The following XPNPEP3 variants were observed in gnomAD, a reference collection of about 807,000 sequenced individuals.
XPNPEP3 encodes the protein X-prolyl aminopeptidase 3, also known as xaa-Pro aminopeptidase 3.
XPNPEP3 carries 41 observed loss-of-function variants against 60.0 expected under a neutral mutation model. The ratio of observed to expected loss-of-function variants is 0.68; its 90% CI spans 0.53 to 0.89. XPNPEP3 has a LOEUF of 0.89. XPNPEP3 is among the 40% of genes least tolerant of loss of function. The pLI, the probability that XPNPEP3 is intolerant of heterozygous loss-of-function variation, is 0.00. For synonymous variants in XPNPEP3, 212 were observed against 223.2 expected, an observed-to-expected ratio of 0.95 and a Z score of 0.45; for missense variants, 598 against 638.9, an observed-to-expected ratio of 0.94 and a Z score of 0.69.
intron 4 of XPNPEP3, among the ~76,000 whole-genome samples, chr22:40,895,429 G>A (rs1019490719): frequency 1.3e-5 from 2 of 151,228 alleles, no homozygotes; most frequent in African/African-American, 2.4e-5. Context: ...TCTGCTTCCC[G>A]GGTTCAAGTG....
intron 1 of XPNPEP3, chr22:40,862,037 A>G (rs2071888051): frequency 1.3e-6 from 2 of 1,539,868 alleles, no homozygotes; most frequent in Non-Finnish European, 1.7e-6. Flanking sequence ...GGTATTGAGA[A>G]CCGTGGTTTC....
At chr22:40,881,726 G>T in intron 2 of XPNPEP3, 44 bp from the exon 3 acceptor site, 1 of 1,606,856 alleles carries the variant, frequency 6.2e-7, no homozygotes, top group Non-Finnish European at 8.5e-7. Flanking sequence ...AAGTACTTTG[G>T]CACTGCAGAA....
chr22:40,857,166 CGTGA>C lies in XPNPEP3; in HGVS notation c.-13_-10del, dbSNP rs2057905286. On this transcript the variant is annotated 5_prime_UTR_variant, in exon 1 of 10. Coordinates refer to ENST00000357137, the MANE Select transcript of XPNPEP3 (RefSeq NM_022098.4). ...CGTTACCCTCTTTCTCTTCCCGACG[CGTGA>C]GTTAGGCCGTAATGCCTTGGCTGCT... 6.2e-7 allele frequency: 1 copy of C among 1,614,094 alleles called. No individual in the cohort carries two copies. Among genetic ancestry groups the C allele is most frequent in the Middle Eastern group, 1.6e-4 (1 of 6,062 alleles).
intron 5 of XPNPEP3, among the ~76,000 whole-genome samples, 186 bp from the exon 6 acceptor site, chr22:40,908,936 C>T (rs1054323334): frequency 6.6e-5 from 10 of 152,128 alleles, no homozygotes; most frequent in Non-Finnish European, 1.2e-4. Flanking sequence ...GATTATAGTA[C>T]ACGGGGTGAG....
At chr22:40,872,204 TGCTAGGTTCTGTGATTTTACG>T (rs1466406368) in intron 2 of XPNPEP3, among the ~76,000 whole-genome samples, 1 of 152,218 alleles carries the variant, frequency 6.6e-6, no homozygotes, top group Non-Finnish European at 1.5e-5. Context: ...GTTCTGGCTG[TGCTAGGTTCTGTGATTTTACG>T]GCTAGGTTCT....
intron 1 of XPNPEP3, chr22:40,860,694 C>A: frequency 8.6e-7 from 1 of 1,165,540 alleles, no homozygotes; most frequent in South Asian, 1.5e-5. Context: ...ACTTTGTCAC[C>A]CAAGCTGGAG....
rs905073936 is a variant in XPNPEP3, at chr22:40,909,105, G to C, written c.856-17G>C. 3 of 1,612,428 alleles carry C rather than the reference G, an allele frequency of 1.9e-6. No homozygotes were observed. Among genetic ancestry groups the C allele is most frequent in the African/African-American group, 1.3e-5 (1 of 75,044 alleles). On this transcript the variant is annotated splice_polypyrimidine_tract_variant and intron_variant, in intron 5 of 9. Coordinates refer to ENST00000357137, the MANE Select transcript of XPNPEP3 (RefSeq NM_022098.4). ...CTACAGAAACCCTTTGTCATACCTT[G>C]CTGTTGTTTTTCACAGTTTGAATTT...
chr22:40,915,808 C>A (rs2058194125), intron 7 of XPNPEP3, among the ~76,000 whole-genome samples: 1 of 152,122 alleles, frequency 6.6e-6, no homozygotes, highest in African/African-American at 2.4e-5. Context: ...GATTACTGAA[C>A]TATGTGTTCT....
chr22:40,898,779 A>T (rs567809719), intron 4 of XPNPEP3, among the ~76,000 whole-genome samples: 7 of 152,294 alleles, frequency 4.6e-5, no homozygotes, highest in African/African-American at 1.7e-4. Context: ...GATGCCTTTT[A>T]TCACAGTATC....
intron 2 of XPNPEP3, among the ~76,000 whole-genome samples, chr22:40,881,196 C>G (rs1414270029): frequency 1.3e-5 from 2 of 151,994 alleles, no homozygotes; most frequent in East Asian, 1.9e-4. Context: ...CAGGCATGCA[C>G]CACCACACAT....
intron 4 of XPNPEP3, among the ~76,000 whole-genome samples, chr22:40,897,996 G>A (rs1352899001): frequency 2.0e-5 from 3 of 151,666 alleles, no homozygotes; most frequent in Admixed American, 6.6e-5. Flanking sequence ...CTCTTAATCC[G>A]GTATATGGTT....
chr22:40,899,770 G>A (rs1248683361), intron 4 of XPNPEP3, among the ~76,000 whole-genome samples: 1 of 140,430 alleles, frequency 7.1e-6, no homozygotes, highest in Non-Finnish European at 1.5e-5. Context: ...AGTGAGCGGA[G>A]ATCACGCTAC....
At chr22:40,876,435 A>G (rs1187320214) in intron 2 of XPNPEP3, among the ~76,000 whole-genome samples, 1 of 152,236 alleles carries the variant, frequency 6.6e-6, no homozygotes, top group Non-Finnish European at 1.5e-5. Context: ...TATTACTTAA[A>G]TCCACTTAGG....
intron 4 of XPNPEP3, among the ~76,000 whole-genome samples, chr22:40,888,275 G>T (rs188438086): frequency 6.6e-6 from 1 of 151,812 alleles, no homozygotes; most frequent in Middle Eastern, 3.2e-3. Context: ...ATAGAGTCTC[G>T]CTCTGTTGCC....
intron 1 of XPNPEP3, chr22:40,861,688 C>T (rs2145766787): frequency 6.2e-7 from 1 of 1,614,112 alleles, no homozygotes; most frequent in Non-Finnish European, 8.5e-7. Context: ...GGATCCCTTT[C>T]ATGAAAAATT....
chr22:40,862,373 C>T (rs1208255592), intron 1 of XPNPEP3: 2 of 1,000,866 alleles, frequency 2.0e-6, no homozygotes, highest in African/African-American at 3.5e-5. Flanking sequence ...CACAGCATAT[C>T]CCTTGCATAA....
chr22:40,879,304 A>T lies in XPNPEP3; in HGVS notation c.182-2466A>T, dbSNP rs970004508. 3.9e-5 allele frequency among the ~76,000 whole-genome samples: 6 copies of T among 152,364 alleles called. No homozygotes were observed. In the South Asian group the frequency reaches 6.2e-4, roughly 16 times the overall value. ...TCTTGCCAACTTCATCAACAAAAACATAAATTTGTTTCTATTGTAGATGTC... is the reference window on the plus strand; with the variant it reads ...TCTTGCCAACTTCATCAACAAAAACTTAAATTTGTTTCTATTGTAGATGTC... On this transcript the variant is annotated intron_variant, in intron 2 of 9. Transcript: ENST00000357137.
At chr22:40,885,253 T>C (rs995810320) in intron 3 of XPNPEP3, among the ~76,000 whole-genome samples, 1 of 152,226 alleles carries the variant, frequency 6.6e-6, no homozygotes, top group Non-Finnish European at 1.5e-5. Flanking sequence ...ATATAAAATA[T>C]TCAGACCTTC....
rs2057956968 is a variant in XPNPEP3, at chr22:40,862,613, G to A, written c.64+5368G>A. 3.0e-6 allele frequency: 3 copies of A among 985,482 alleles called. No individual in the cohort carries two copies. The South Asian group carries it at 1.4e-4, about 46-fold the overall frequency. The allele number at this position is 985,482 out of a possible 1,614,324, so 61.0% of individuals were successfully genotyped here. On this transcript the variant is annotated intron_variant, in intron 1 of 9. Coordinates refer to ENST00000357137, the MANE Select transcript of XPNPEP3 (RefSeq NM_022098.4). Reference sequence around the variant, plus strand: ...AACAATTATATGAGAGACAGCTCAGGCTGGGGGTGTCAATGAAAGCCTCTT... The same window carrying A: ...AACAATTATATGAGAGACAGCTCAGACTGGGGGTGTCAATGAAAGCCTCTT...
Sources: allele counts gnomAD v4.1 joint callset (sites outside exome capture counted in the v4.1 genomes callset), GRCh38; gene constraint gnomAD v4.1.1; transcripts MANE v1.5; gene names NCBI Gene and HGNC (gene_info 2026-07-23, HGNC 2026-07-21).